Variants in KPNB1 observed in about 807,000 individuals in gnomAD.
KPNB1 encodes importin subunit beta-1.
In KPNB1, 7 loss-of-function variants were observed where a neutral mutation model predicts 113.0. The ratio of observed to expected loss-of-function variants is 0.06; its 90% confidence interval spans 0.04 to 0.12. KPNB1 has a LOEUF of 0.12. Among genes scored for constraint, KPNB1 ranks in the 10% least tolerant of loss-of-function variants. The pLI, the probability that KPNB1 is intolerant of heterozygous loss-of-function variation, is 1.00. For synonymous variants in KPNB1, 363 were observed against 378.6 expected, an observed-to-expected ratio of 0.96 and a Z score of 0.48; for missense variants, 400 against 1,054.8, an observed-to-expected ratio of 0.38 and a Z score of 8.60.
chr17:47,676,807 C>CTTTTTTTTTTT (rs10649330), intron 16 of KPNB1, among the ~76,000 whole-genome samples: 2 of 116,256 alleles, frequency 1.7e-5, no homozygotes, highest in East Asian at 2.6e-4. Context: ...GAGAGCAAGG[C>CTTTTTTTTTTT]TTTTTTTTTT....
At position 47,668,554 on chromosome 17, in the gene KPNB1, A is replaced by T. The variant is rs140812401; in HGVS notation, c.1224+144A>T. 8.5e-4 allele frequency: 580 copies of T among 679,236 alleles called. 9 individuals carry two copies. In the East Asian group the frequency reaches 0.014, roughly 16 times the overall value. The allele number at this position is 679,236 out of a possible 1,614,324, so 42.1% of individuals were successfully genotyped here. ...CTTGTTTACTTTTAATGAGGGTAAAATATATTTCTTAGGTTTTTAATTACA... is the reference window on the plus strand; with the variant it reads ...CTTGTTTACTTTTAATGAGGGTAAATTATATTTCTTAGGTTTTTAATTACA... On this transcript the variant is annotated intron_variant, in intron 10 of 21. Transcript: ENST00000290158.
At chr17:47,677,150 A>AT (rs1308715317) in intron 17 of KPNB1, 23 bp downstream of exon 17, 1 of 1,484,942 alleles carries the variant, frequency 6.7e-7, no homozygotes, top group Non-Finnish European at 9.4e-7. Flanking sequence ...ACACAATCTA[A>AT]TTAACCAGTC....
At chr17:47,669,160 G>A (rs2030378408) in intron 10 of KPNB1, among the ~76,000 whole-genome samples, 1 of 151,950 alleles carries the variant, frequency 6.6e-6, no homozygotes, top group African/African-American at 2.4e-5. Context: ...GAGTGCTGAA[G>A]TGCAGTGGTG....
intron 17 of KPNB1, 58 bp from the exon 18 acceptor site, chr17:47,677,988 G>A (rs542212767): frequency 2.0e-6 from 3 of 1,521,808 alleles, no homozygotes; most frequent in Non-Finnish European, 2.7e-6. Context: ...AAATTTTCAT[G>A]AATCTTTGGA....
intron 3 of KPNB1, among the ~76,000 whole-genome samples, 181 bp downstream of exon 3, chr17:47,653,057 A>G (rs901445145): frequency 6.6e-6 from 1 of 152,100 alleles, no homozygotes; most frequent in African/African-American, 2.4e-5. Flanking sequence ...GTCCATTCCC[A>G]TTGATGGATT....
rs1400566725 is a variant in KPNB1 at position 47,683,615 on chromosome 17, GATAAA to G, written c.*1216_*1220del. On this transcript the variant is annotated 3_prime_UTR_variant, in exon 22 of 22. Coordinates refer to ENST00000290158, the MANE Select transcript of KPNB1 (RefSeq NM_002265.6). ...GATAAATTAAATGTTCAAACAATCT[GATAAA>G]ATAACCATTTGGAAACTGCTTGGCC... The G allele has an allele frequency of 1.3e-5, 2 of 152,500 alleles. No individual in the cohort carries two copies. The highest frequency in any genetic ancestry group is 2.4e-5 in the African/African-American group (1 of 41,420). The allele number at this position is 152,500 out of a possible 1,614,324, so 9.4% of individuals were successfully genotyped here. A position where few individuals can be genotyped will look rare whatever the true frequency, so the allele number is the denominator to read the frequency against.
rs1435371093 is a variant in KPNB1 at position 47,657,027 on chromosome 17, A to G, written c.450A>G (p.Thr150=). 3.1e-6 allele frequency: 5 copies of G among 1,614,094 alleles called. No individual in the cohort carries two copies. Among genetic ancestry groups the G allele is most frequent in the Middle Eastern group, 3.3e-4 (2 of 6,084 alleles). ...PNSTEHMKES[T]LEAIGYICQD... ...GCACAGAGCACATGAAGGAGTCGAC[A>G]TTGGAAGCCATCGGTTATATTTGCC... The change falls in exon 4 of 22, where the codon ACA becomes ACG. Residue 150 remains threonine (T), a synonymous_variant. Coordinates refer to ENST00000290158, the MANE Select transcript of KPNB1 (RefSeq NM_002265.6).
rs2030568124 is a variant in KPNB1 at position 47,675,361 on chromosome 17, G to GTTTTTGTTTTTTTTTTTTTTTTTTTT, written c.1912+584_1912+585insGTTTTTTTTTTTTTTTTTTTTTTTTT. ...TGCAACGGAGATTGGCAGAGGTGTT[G>GTTTTTGTTTTTTTTTTTTTTTTTTTT]TTTTTTTTTTGTTTTTTTTTTTTGT... is the stretch of plus-strand genomic sequence containing the variant. On this transcript the variant is annotated intron_variant, in intron 15 of 21. Transcript: ENST00000290158. Among the ~76,000 whole-genome samples, 13 of 88,688 alleles carry GTTTTTGTTTTTTTTTTTTTTTTTTTT rather than the reference G, an allele frequency of 1.5e-4. 1 individual carries two copies. Among genetic ancestry groups the GTTTTTGTTTTTTTTTTTTTTTTTTTT allele is most frequent in the Admixed American group, 1.1e-3 (10 of 8,738 alleles). 58.2% of individuals were successfully genotyped at this position (88,688 alleles called of 152,430 possible). A position where few individuals can be genotyped will look rare whatever the true frequency, so the allele number is the denominator to read the frequency against.
intron 2 of KPNB1, among the ~76,000 whole-genome samples, chr17:47,652,273 C>G (rs1915601726): frequency 6.6e-6 from 1 of 152,108 alleles, no homozygotes; most frequent in Non-Finnish European, 1.5e-5. Flanking sequence ...TTTTCTACCC[C>G]CCATCATAAC....
At chr17:47,652,959 A>G (rs1915619628) in intron 3 of KPNB1, 83 bp downstream of exon 3, 1 of 1,017,584 alleles carries the variant, frequency 9.8e-7, no homozygotes, top group Admixed American at 2.7e-5. Flanking sequence ...TGCATGGGAT[A>G]GAGCTAACAG....
Position 47,664,215 on chromosome 17 carries a change from A to G in KPNB1, c.843A>G (p.Glu281=). Reference sequence around the variant, plus strand: ...ATGAGGTGGCTTTACAAGGGATAGAATTCTGGTCCAATGTCTGTGATGAGG... The same window carrying G: ...ATGAGGTGGCTTTACAAGGGATAGAGTTCTGGTCCAATGTCTGTGATGAGG... The part of the protein sequence containing the change: ...DIDEVALQGI[E]FWSNVCDEEM... The change falls in exon 8 of 22, where the codon GAA becomes GAG. Residue 281 remains glutamate, a synonymous_variant. Transcript: ENST00000290158. 1 of 1,613,850 alleles carries G rather than the reference A, an allele frequency of 6.2e-7. No individual in the cohort carries two copies. The highest frequency in any genetic ancestry group is 8.5e-7 in the Non-Finnish European group (1 of 1,179,848).
At position 47,669,886 on chromosome 17, in the gene KPNB1, C is replaced by G; in HGVS notation, c.1416+17C>G. ...GTGTGCTGGGTAAGGGATTTTCTTG[C>G]TGGTGAGAAAAGGAGCTTGCCTGCG... On this transcript the variant is annotated intron_variant, in intron 11 of 21. Coordinates refer to ENST00000290158, the MANE Select transcript of KPNB1 (RefSeq NM_002265.6). The G allele has an allele frequency of 6.5e-7, 1 of 1,549,174 alleles. No homozygotes were observed. Among genetic ancestry groups the G allele is most frequent in the Non-Finnish European group, 8.9e-7 (1 of 1,129,430 alleles).
At chr17:47,661,204 C>G (rs766066121) in intron 6 of KPNB1, 26 bp downstream of exon 6, 1 of 1,559,630 alleles carries the variant, frequency 6.4e-7, no homozygotes. Context: ...TATGAAAAAT[C>G]TGTCTTACAT....
At position 47,682,647 on chromosome 17, in the gene KPNB1, T is replaced by C; in HGVS notation, c.*243T>C. ...GTAGAAAACCATAACATCGGCCATC[T>C]TGGAAAAGAGAAAAACAATGGAGTT... On this transcript the variant is annotated 3_prime_UTR_variant, in exon 22 of 22. Coordinates refer to ENST00000290158, the MANE Select transcript of KPNB1 (RefSeq NM_002265.6). 1.9e-6 allele frequency: 1 copy of C among 532,022 alleles called. No individual in the cohort carries two copies. The highest frequency in any genetic ancestry group is 2.7e-5 in the South Asian group (1 of 37,150). 33.0% of individuals were successfully genotyped at this position (532,022 alleles called of 1,614,324 possible).
chr17:47,655,740 C>T (rs116828832), intron 3 of KPNB1, among the ~76,000 whole-genome samples: 2 of 152,318 alleles, frequency 1.3e-5, no homozygotes, highest in African/African-American at 4.8e-5. Flanking sequence ...CTTATAACAG[C>T]AACAATGAGC....
In KPNB1 at chr17:47,652,980, T is replaced by G. The variant is rs192232124; in HGVS notation, c.282+104T>G. ...GGATAGAGCTAACAGTGTGATAGGT[T>G]TCTGGGACCTCAACTTTACCTAAAG... On this transcript the variant is annotated intron_variant, in intron 3 of 21. Transcript: ENST00000290158. 5.3e-6 allele frequency: 4 copies of G among 753,876 alleles called. No individual in the cohort carries two copies. In the East Asian group the frequency reaches 1.2e-4, roughly 22 times the overall value. 46.7% of individuals were successfully genotyped at this position (753,876 alleles called of 1,614,324 possible).
In KPNB1 at chr17:47,668,303, G is replaced by GT. The variant is rs1411499070; in HGVS notation, c.1117_1118insT (p.Glu373ValfsTer65). ...CCCACATGTCCTCCCCTTCATTAAA[G>GT]AACACATCAAGAACCCAGATTGGCG... On this transcript the variant is annotated frameshift_variant, in exon 10 of 22. Coordinates refer to ENST00000290158, the MANE Select transcript of KPNB1 (RefSeq NM_002265.6). LOFTEE classifies it high-confidence loss of function. 6.2e-7 allele frequency: 1 copy of GT among 1,614,008 alleles called. No individual in the cohort carries two copies. The highest frequency in any genetic ancestry group is 2.2e-5 in the East Asian group (1 of 44,890).
chr17:47,650,578 C>CCCCCAA, intron 2 of KPNB1, 134 bp downstream of exon 2: 1 of 754,090 alleles, frequency 1.3e-6, no homozygotes, highest in South Asian at 1.7e-5. Flanking sequence ...TCCCCCTCCC[C>CCCCCAA]CCCCAACCCG....
At chr17:47,678,732 T>C in intron 19 of KPNB1, 4 of 295,918 alleles carry the variant, frequency 1.4e-5, no homozygotes, top group Non-Finnish European at 2.6e-5. Context: ...CTCAGCCTCC[T>C]GAGTAGCTGG....
Sources: allele counts gnomAD v4.1 joint callset (sites outside exome capture counted in the v4.1 genomes callset), GRCh38; gene constraint gnomAD v4.1.1; transcripts MANE v1.5; gene names NCBI Gene and HGNC (gene_info 2026-07-23, HGNC 2026-07-21).